Variants in BMP6 observed in about 807,000 individuals in gnomAD.
BMP6 encodes the protein bone morphogenetic protein 6, also known as VG-1-R.
BMP6 carries 17 observed loss-of-function variants against 54.1 expected under a neutral mutation model. The ratio of observed to expected loss-of-function variants is 0.31; its 90% CI spans 0.22 to 0.47. The LOEUF (loss-of-function observed/expected upper bound fraction) is 0.47, where lower values mean the gene tolerates loss of function less well. Ranked by LOEUF, BMP6 falls within the 20% of genes least tolerant of loss-of-function variation. The pLI is 1.00. For missense variants in BMP6, 720 were observed against 690.4 expected, an observed-to-expected ratio of 1.04 and a Z score of -0.48; for synonymous variants, 328 against 291.2, an observed-to-expected ratio of 1.13 and a Z score of -1.28.
intron 1 of BMP6, among the ~76,000 whole-genome samples, chr6:7,784,748 T>C (rs1458223480): frequency 6.6e-6 from 1 of 152,202 alleles, no homozygotes; most frequent in Non-Finnish European, 1.5e-5. Flanking sequence ...TGAAGTGGTC[T>C]GTTTTCTCAG....
chr6:7,775,662 G>T (rs1363167421), intron 1 of BMP6, among the ~76,000 whole-genome samples: 1 of 152,176 alleles, frequency 6.6e-6, no homozygotes, highest in South Asian at 2.1e-4. Flanking sequence ...GTAGAATGTG[G>T]TAAGGTCAGC....
At chr6:7,874,804 A>G (rs72829223) in intron 4 of BMP6, among the ~76,000 whole-genome samples, 11,900 of 128,056 alleles carry the variant, frequency 0.093, 612 homozygotes, top group East Asian at 0.18. Context: ...TGTCAACGCT[A>G]TGTGAGATAG....
At position 7,873,921 on chromosome 6, in the gene BMP6, G is replaced by T. The variant is rs994086230; in HGVS notation, c.1205-5153G>T. ...TCATGGAGATTTTGGTCCCTAGCACGAGACGGTATTTTGGAGGAAGCTTAC... is the reference window on the plus strand; with the variant it reads ...TCATGGAGATTTTGGTCCCTAGCACTAGACGGTATTTTGGAGGAAGCTTAC... On this transcript the variant is annotated intron_variant, in intron 4 of 6. Transcript: ENST00000283147. 3.9e-5 allele frequency among the ~76,000 whole-genome samples: 6 copies of T among 152,134 alleles called. No individual in the cohort carries two copies. The East Asian group carries it at 1.2e-3, about 29-fold the overall frequency.
At chr6:7,834,546 G>A (rs1036757981) in intron 1 of BMP6, among the ~76,000 whole-genome samples, 3 of 151,664 alleles carry the variant, frequency 2.0e-5, no homozygotes, top group African/African-American at 7.3e-5. Context: ...AATCATTGAG[G>A]TGGAAAAACT....
At chr6:7,734,074 CT>C (rs924168285) in intron 1 of BMP6, among the ~76,000 whole-genome samples, 2 of 152,270 alleles carry the variant, frequency 1.3e-5, no homozygotes, top group South Asian at 2.1e-4. Context: ...GTTGTCTATA[CT>C]TTTTTTCCAA....
At chr6:7,839,967 C>T (rs776448247) in intron 1 of BMP6, among the ~76,000 whole-genome samples, 63 of 152,318 alleles carry the variant, frequency 4.1e-4, no homozygotes, top group Middle Eastern at 6.8e-3. Flanking sequence ...CAACACTTGT[C>T]AGAAAATGCC....
At chr6:7,862,580 T>C (rs1376495012) in intron 4 of BMP6, 82 bp downstream of exon 4, 6 of 1,542,382 alleles carry the variant, frequency 3.9e-6, no homozygotes, top group Non-Finnish European at 5.3e-6. Context: ...GTCTCAGATG[T>C]CGGGCAGCTT....
chr6:7,859,685 C>T (rs996060466), intron 2 of BMP6, among the ~76,000 whole-genome samples: 4 of 152,062 alleles, frequency 2.6e-5, no homozygotes, highest in Admixed American at 1.3e-4. Flanking sequence ...CCGCACCCCC[C>T]GCAATCTCCC....
At position 7,853,907 on chromosome 6, in the gene BMP6, GAAA is replaced by G. The variant is rs11378183; in HGVS notation, c.858-7535_858-7533del. ...ATACCTAGAACGGTCTACTTGGGGA[GAAA>G]AAAAAAAAGACTGCTCAAGGAGCCA... On this transcript the variant is annotated intron_variant, in intron 2 of 6. Coordinates refer to ENST00000283147, the MANE Select transcript of BMP6 (RefSeq NM_001718.6). 2.7e-3 allele frequency among the ~76,000 whole-genome samples: 398 copies of G among 148,360 alleles called. 3 individuals carry two copies. The highest frequency in any genetic ancestry group is 9.3e-3 in the African/African-American group (378 of 40,694).
In BMP6 at chr6:7,836,210, T is replaced by A. The variant is rs569751237; in HGVS notation, c.665-8930T>A. Among the ~76,000 whole-genome samples, 1,449 of 151,174 alleles carry A rather than the reference T, an allele frequency of 9.6e-3. 9 individuals carry two copies. Among genetic ancestry groups the A allele is most frequent in the Middle Eastern group, 0.024 (7 of 294 alleles). ...AATGGTTTTAACATGATTTTTTTTTTAAAAAAAAATGACTATTAACCCTTT... is the reference window on the plus strand; with the variant it reads ...AATGGTTTTAACATGATTTTTTTTTAAAAAAAAAATGACTATTAACCCTTT... On this transcript the variant is annotated intron_variant, in intron 1 of 6. Transcript: ENST00000283147.
At chr6:7,868,588 A>G (rs1261983801) in intron 4 of BMP6, among the ~76,000 whole-genome samples, 8 of 152,256 alleles carry the variant, frequency 5.3e-5, no homozygotes, top group Admixed American at 5.2e-4. Context: ...CACCCTTGTC[A>G]TTCTAGGAGA....
At chr6:7,810,314 G>A (rs1199461387) in intron 1 of BMP6, among the ~76,000 whole-genome samples, 3 of 152,194 alleles carry the variant, frequency 2.0e-5, no homozygotes, top group African/African-American at 7.2e-5. Context: ...AATTCTTAAA[G>A]CTCCGAGGGG....
chr6:7,854,203 C>G, intron 2 of BMP6, among the ~76,000 whole-genome samples: 1 of 152,110 alleles, frequency 6.6e-6, no homozygotes, highest in Non-Finnish European at 1.5e-5. Flanking sequence ...ATTCATGCCT[C>G]GAAACAGATC....
At chr6:7,817,857 A>G (rs963771787) in intron 1 of BMP6, among the ~76,000 whole-genome samples, 6 of 152,240 alleles carry the variant, frequency 3.9e-5, no homozygotes, top group Non-Finnish European at 7.3e-5. Flanking sequence ...AGTGTTGCGA[A>G]GGGCTTTGGG....
rs778898901 is a variant in BMP6 at position 7,855,553 on chromosome 6, CTTTTTTT to C, written c.858-5877_858-5871del. Among the ~76,000 whole-genome samples the C allele has an allele frequency of 5.9e-4, 62 of 105,040 alleles. No individual in the cohort carries two copies. The South Asian group carries it at 0.013, about 23-fold the overall frequency. 68.9% of individuals were successfully genotyped at this position (105,040 alleles called of 152,430 possible). A position where few individuals can be genotyped will look rare whatever the true frequency, so the allele number is the denominator to read the frequency against. Reference sequence around the variant, plus strand: ...TTAATCTCAATCTCTCTCTCTCTCTCTTTTTTTTTTTTTTTTTTTTTTTTTTTGAGAT... The same window carrying C: ...TTAATCTCAATCTCTCTCTCTCTCTCTTTTTTTTTTTTTTTTTTTTGAGAT... On this transcript the variant is annotated intron_variant, in intron 2 of 6. Transcript: ENST00000283147.
intron 1 of BMP6, among the ~76,000 whole-genome samples, chr6:7,740,459 C>A (rs982571998): frequency 9.2e-5 from 14 of 152,014 alleles, no homozygotes; most frequent in African/African-American, 3.4e-4. Context: ...TGGAAAAAAA[C>A]CCAAAATATG....
At chr6:7,844,227 T>G (rs1157516919) in intron 1 of BMP6, among the ~76,000 whole-genome samples, 1 of 152,228 alleles carries the variant, frequency 6.6e-6, no homozygotes. Flanking sequence ...CTCTCCCTTT[T>G]TTAAGACCAA....
intron 1 of BMP6, among the ~76,000 whole-genome samples, chr6:7,751,010 G>A (rs1451326698): frequency 3.9e-5 from 6 of 152,068 alleles, no homozygotes; most frequent in Admixed American, 1.3e-4. Context: ...CTTATCCTTG[G>A]CTACAACCCA....
In BMP6 at chr6:7,768,726, C is replaced by T. The variant is rs957340406; in HGVS notation, c.664+41107C>T. Among the ~76,000 whole-genome samples, 12 of 152,184 alleles carry T rather than the reference C, an allele frequency of 7.9e-5. 1 individual carries two copies. In the South Asian group the frequency reaches 2.5e-3, roughly 32 times the overall value. ...GTCTGCACAGGGACGCAAGGTGTTC[C>T]TCTTTATTTCAACAGCTTTCTAAGA... On this transcript the variant is annotated intron_variant, in intron 1 of 6. Coordinates refer to ENST00000283147, the MANE Select transcript of BMP6 (RefSeq NM_001718.6).
Sources: gnomAD v4.1 joint callset for allele counts (sites outside exome capture counted in the v4.1 genomes callset) on GRCh38, gnomAD v4.1.1 for gene constraint, MANE v1.5 for transcripts, NCBI Gene and HGNC (gene_info 2026-07-23, HGNC 2026-07-21) for gene names.